Variants in LZTFL1 observed in about 807,000 individuals in gnomAD.
The protein encoded by LZTFL1 is leucine zipper transcription factor like 1.
LZTFL1 carries 25 observed loss-of-function variants against 45.9 expected under a neutral mutation model. The ratio of observed to expected loss-of-function variants is 0.54; its 90% CI spans 0.40 to 0.76. The LOEUF (loss-of-function observed/expected upper bound fraction) is 0.76. Among genes scored for constraint, LZTFL1 ranks in the 30% least tolerant of loss-of-function variants. The pLI, the probability that LZTFL1 is intolerant of heterozygous loss-of-function variation, is 0.00. For synonymous variants in LZTFL1, 93 were observed against 117.4 expected, an observed-to-expected ratio of 0.79 and a Z score of 1.35; for missense variants, 277 against 331.1, an observed-to-expected ratio of 0.84 and a Z score of 1.27.
chr3:45,902,148 C>T, intron 2 of LZTFL1: 1 of 394,422 alleles, frequency 2.5e-6, no homozygotes, highest in Non-Finnish European at 4.7e-6. Context: ...TAAGGACCGG[C>T]ACTGTGGAGC....
intron 3 of LZTFL1, chr3:45,855,195 A>T (rs1268990057): frequency 5.1e-6 from 3 of 589,026 alleles, no homozygotes; most frequent in Non-Finnish European, 9.0e-6. Context: ...CCAGCAGCAC[A>T]TCAAAAAGCT....
intron 2 of LZTFL1, among the ~76,000 whole-genome samples, chr3:45,912,508 C>T (rs114915338): frequency 1.6e-3 from 246 of 152,262 alleles, no homozygotes; most frequent in Non-Finnish European, 3.0e-3. Context: ...TTGCGAAGCT[C>T]GGGCACTTTT....
At chr3:45,862,519 A>ACAACAC in intron 2 of LZTFL1, among the ~76,000 whole-genome samples, 1 of 152,314 alleles carries the variant, frequency 6.6e-6, no homozygotes, top group African/African-American at 2.4e-5. Flanking sequence ...CACAACAACA[A>ACAACAC]CAACACTGTT....
intron 2 of LZTFL1, 116 bp downstream of exon 2, chr3:45,837,811 A>G: frequency 8.7e-7 from 1 of 1,143,628 alleles, no homozygotes; most frequent in Non-Finnish European, 1.2e-6. Context: ...CTCTTAGCAA[A>G]TAATTGATCA....
intron 2 of LZTFL1, among the ~76,000 whole-genome samples, chr3:45,883,318 T>G (rs1701896432): frequency 6.6e-6 from 1 of 152,222 alleles, no homozygotes; most frequent in African/African-American, 2.4e-5. Context: ...AAAGCTGGAT[T>G]CTCTTTAAGA....
chr3:45,909,738 C>G (rs1702755795), intron 2 of LZTFL1, among the ~76,000 whole-genome samples: 1 of 152,246 alleles, frequency 6.6e-6, no homozygotes, highest in Non-Finnish European at 1.5e-5. Context: ...CTCGGAAAGG[C>G]CTCACGCCGT....
At chr3:45,865,467 G>A (rs1701563778) in intron 2 of LZTFL1, among the ~76,000 whole-genome samples, 1 of 152,216 alleles carries the variant, frequency 6.6e-6, no homozygotes, top group Non-Finnish European at 1.5e-5. Flanking sequence ...GCAAACACGT[G>A]CACATGCACA....
At chr3:45,912,223 T>A (rs544734270) in intron 2 of LZTFL1, among the ~76,000 whole-genome samples, 116 of 152,292 alleles carry the variant, frequency 7.6e-4, no homozygotes, top group African/African-American at 2.8e-3. Flanking sequence ...CTTGTATGAG[T>A]GTATCTGGAG....
intron 2 of LZTFL1, among the ~76,000 whole-genome samples, chr3:45,882,208 T>C (rs964706778): frequency 2.6e-5 from 4 of 152,240 alleles, no homozygotes; most frequent in African/African-American, 9.6e-5. Flanking sequence ...ATGGCCAGTA[T>C]CCACATAGTC....
chr3:45,830,292 A>G (rs1575252244), intron 7 of LZTFL1, among the ~76,000 whole-genome samples: 1 of 152,248 alleles, frequency 6.6e-6, no homozygotes, highest in East Asian at 1.9e-4. Flanking sequence ...CACACTCAAC[A>G]GAAAGTCCAC....
At chr3:45,906,336 A>G (rs533833099) in intron 2 of LZTFL1, among the ~76,000 whole-genome samples, 1 of 152,306 alleles carries the variant, frequency 6.6e-6, no homozygotes, top group East Asian at 1.9e-4. Flanking sequence ...TTTGAGCACC[A>G]TTGCTAACCC....
intron 3 of LZTFL1, 198 bp from the exon 4 acceptor site, chr3:45,834,496 C>T (rs1239446940): frequency 2.2e-6 from 1 of 453,766 alleles, no homozygotes; most frequent in Admixed American, 3.6e-5. Context: ...TAATCATCCA[C>T]AGTACCTGGC....
At position 45,829,608 on chromosome 3, in the gene LZTFL1, GAAAAAAAAAA is replaced by G. The variant is rs1206418827; in HGVS notation, c.601-1003_601-994del. Among the ~76,000 whole-genome samples the G allele has an allele frequency of 1.0e-4, 6 of 58,932 alleles. No individual in the cohort carries two copies. In the East Asian group the frequency reaches 2.0e-3, roughly 20 times the overall value. 38.7% of individuals were successfully genotyped at this position (58,932 alleles called of 152,430 possible). A position where few individuals can be genotyped will look rare whatever the true frequency, so the allele number is the denominator to read the frequency against. On this transcript the variant is annotated intron_variant, in intron 7 of 9. Transcript: ENST00000296135. ...AACAGAATAAGGCCCTGTCTCAAAA[GAAAAAAAAAA>G]AAAAAAAAAAAAAGTACTTTCAACA...
chr3:45,902,181 G>A (rs1702581648), intron 2 of LZTFL1: 3 of 316,614 alleles, frequency 9.5e-6, no homozygotes, highest in Non-Finnish European at 1.2e-5. Context: ...CCACTCGCCG[G>A]AGCATCAATG....
chr3:45,839,577 A>G (rs1453783944), intron 1 of LZTFL1, among the ~76,000 whole-genome samples: 1 of 152,096 alleles, frequency 6.6e-6, no homozygotes, highest in Admixed American at 6.5e-5. Context: ...CACTCATGTT[A>G]CTCTGATCCT....
chr3:45,902,061 T>C (rs201397521), intron 2 of LZTFL1: 8 of 654,276 alleles, frequency 1.2e-5, no homozygotes, highest in Non-Finnish European at 1.8e-5. Flanking sequence ...AAAGCAAATA[T>C]TTCAAAATCA....
chr3:45,911,116 A>T (rs374131575), intron 2 of LZTFL1, among the ~76,000 whole-genome samples: 1 of 152,190 alleles, frequency 6.6e-6, no homozygotes, highest in South Asian at 2.1e-4. Flanking sequence ...CTTTTCTGAC[A>T]TGGCACCGGA....
chr3:45,831,719 T>C (rs1700825823), intron 5 of LZTFL1, among the ~76,000 whole-genome samples: 1 of 152,180 alleles, frequency 6.6e-6, no homozygotes, highest in South Asian at 2.1e-4. Flanking sequence ...GCCTGTTCTG[T>C]TCTCCTGCCC....
At chr3:45,889,166 G>T (rs1413665990) in intron 2 of LZTFL1, among the ~76,000 whole-genome samples, 1 of 151,974 alleles carries the variant, frequency 6.6e-6, no homozygotes, top group Non-Finnish European at 1.5e-5. Flanking sequence ...TAAATTTTTT[G>T]TAGAGATGGG....
Sources: allele counts gnomAD v4.1 joint callset (sites outside exome capture counted in the v4.1 genomes callset), GRCh38; gene constraint gnomAD v4.1.1; transcripts MANE v1.5; gene names NCBI Gene and HGNC (gene_info 2026-07-23, HGNC 2026-07-21).